ZC3H12B: variants seen among roughly 807,000 people sequenced by gnomAD.
ZC3H12B encodes probable ribonuclease ZC3H12B.
ZC3H12B carries 7 observed loss-of-function variants against 43.9 expected under a neutral mutation model. That is an observed-to-expected ratio of 0.16 (90% CI 0.09 to 0.30). The LOEUF is 0.30. Among genes scored for constraint, ZC3H12B ranks in the 10% least tolerant of loss-of-function variants. ZC3H12B has a pLI of 1.00. For missense variants in ZC3H12B, 475 were observed against 670.2 expected (o/e 0.71, Z 3.22); for synonymous variants, 222 against 241.7 (o/e 0.92, Z 0.76).
chrX:65,493,649 G>T (rs777325167), intron 1 of ZC3H12B, among the ~76,000 whole-genome samples: 1 of 111,404 alleles, frequency 9.0e-6, no homozygotes, highest in Non-Finnish European at 1.9e-5. Flanking sequence ...ATTGCAGAGG[G>T]TGGGGCTAAT....
chrX:65,078,858 C>T, the ZC3H12B span, among the ~76,000 whole-genome samples: 3 of 111,743 alleles, frequency 2.7e-5, no homozygotes, highest in African/African-American at 6.5e-5. Context: ...AAGCATTTAT[C>T]CTTTCTGTTA....
the ZC3H12B span, among the ~76,000 whole-genome samples, chrX:65,261,702 G>T: frequency 0.013 from 1,445 of 110,829 alleles, 53 homozygotes; most frequent in Admixed American, 0.099. Flanking sequence ...CTAAGCAAAA[G>T]ATTTAAGAAA....
chrX:65,122,975 A>G, the ZC3H12B span, among the ~76,000 whole-genome samples: 2 of 111,971 alleles, frequency 1.8e-5, no homozygotes, highest in Non-Finnish European at 3.8e-5. Context: ...AGACAGATCA[A>G]CAAGACAGAA....
At chrX:65,237,376 G>T in the ZC3H12B span, among the ~76,000 whole-genome samples, 1 of 111,021 alleles carries the variant, frequency 9.0e-6, no homozygotes, top group Admixed American at 9.6e-5. Flanking sequence ...TTGCATGTTG[G>T]TATGTAGAAA....
chrX:65,437,024 C>T (rs2067229805), intron 3 of ZC3H12B, among the ~76,000 whole-genome samples: 2 of 110,276 alleles, frequency 1.8e-5, no homozygotes, highest in Non-Finnish European at 3.8e-5. Flanking sequence ...GGGATCTTGG[C>T]TCACTGCAGC....
At chrX:65,172,593 A>G in the ZC3H12B span, among the ~76,000 whole-genome samples, 4 of 111,802 alleles carry the variant, frequency 3.6e-5, no homozygotes, top group Non-Finnish European at 7.5e-5. Flanking sequence ...TCTTGAGTTA[A>G]TTTTTCTATA....
the ZC3H12B span, among the ~76,000 whole-genome samples, chrX:65,069,850 CCT>C: frequency 1.6e-3 from 173 of 111,607 alleles, no homozygotes; most frequent in Admixed American, 3.6e-3. Flanking sequence ...ATTCAGTTTG[CCT>C]GTATTTTGTT....
intron 3 of ZC3H12B, among the ~76,000 whole-genome samples, chrX:65,417,425 C>T (rs1434852018): frequency 4.5e-5 from 5 of 111,769 alleles, no homozygotes; most frequent in Non-Finnish European, 7.5e-5. Context: ...AATTATATAC[C>T]ATGAGTTAGT....
At chrX:65,219,101 G>T in the ZC3H12B span, among the ~76,000 whole-genome samples, 1 of 111,606 alleles carries the variant, frequency 9.0e-6, no homozygotes, top group Non-Finnish European at 1.9e-5. Context: ...CTCTCAAGAA[G>T]CTCCATCTCT....
intron 3 of ZC3H12B, among the ~76,000 whole-genome samples, chrX:65,407,195 G>A (rs1460008087): frequency 2.7e-5 from 3 of 113,170 alleles, no homozygotes; most frequent in African/African-American, 6.4e-5. Flanking sequence ...GGGCTCGGAA[G>A]AAGGGTCCGG....
the ZC3H12B span, among the ~76,000 whole-genome samples, chrX:65,269,186 A>T: frequency 9.1e-6 from 1 of 110,090 alleles, no homozygotes; most frequent in Non-Finnish European, 1.9e-5. Context: ...CTCTACTAAA[A>T]ATACAAAAAT....
chrX:65,328,350 T>C, the ZC3H12B span: 81 of 228,938 alleles, frequency 3.5e-4, no homozygotes, highest in Non-Finnish European at 6.3e-4. Context: ...TCCATGAGAT[T>C]TCTTGTAATT....
chrX:65,457,091 G>T (rs780193540), intron 3 of ZC3H12B, among the ~76,000 whole-genome samples: 1 of 90,715 alleles, frequency 1.1e-5, no homozygotes. Flanking sequence ...CCTCTGCCCC[G>T]CCGCCCTGTC....
chrX:65,472,882 A>G lies in ZC3H12B; in HGVS notation n.408-15764A>G, dbSNP rs745897861. On this transcript the variant is annotated intron_variant and non_coding_transcript_variant, in intron 3 of 5. Coordinates refer to the ZC3H12B transcript ENST00000617377. ...TATGTTTGTGTATATATATGTTTATATATATATGTTTGTGTATATATATGT... is the reference window on the plus strand; with the variant it reads ...TATGTTTGTGTATATATATGTTTATGTATATATGTTTGTGTATATATATGT... Among the ~76,000 whole-genome samples, 67 of 91,098 alleles carry G rather than the reference A, an allele frequency of 7.4e-4. 1 individual carries two copies. Among genetic ancestry groups the G allele is most frequent in the African/African-American group, 2.7e-3 (66 of 24,777 alleles). 79.1% of individuals were successfully genotyped at this position (91,098 alleles called of 115,157 possible).
chrX:65,486,514 CACCT>C (rs1414479505), upstream of ZC3H12B, among the ~76,000 whole-genome samples: 1 of 112,194 alleles, frequency 8.9e-6, no homozygotes, highest in African/African-American at 3.2e-5. Flanking sequence ...AAACACATGA[CACCT>C]TCACACTTAC....
the ZC3H12B span, chrX:65,186,431 G>A: frequency 9.5e-6 from 1 of 105,632 alleles, no homozygotes; most frequent in Admixed American, 1.0e-4. Flanking sequence ...GGCCAGAGTT[G>A]CAGTGAGCCA....
At chrX:65,212,931 T>G in the ZC3H12B span, among the ~76,000 whole-genome samples, 1 of 106,980 alleles carries the variant, frequency 9.3e-6, no homozygotes, top group South Asian at 3.9e-4. Flanking sequence ...GTTCACTTAA[T>G]TATTCTTAGT....
At chrX:65,090,836 T>A in the ZC3H12B span, among the ~76,000 whole-genome samples, 1 of 111,478 alleles carries the variant, frequency 9.0e-6, no homozygotes, top group Non-Finnish European at 1.9e-5. Flanking sequence ...TGGAAGCAGA[T>A]TTTTTATGAA....
chrX:65,316,438 G>A, the ZC3H12B span, among the ~76,000 whole-genome samples: 4 of 112,022 alleles, frequency 3.6e-5, no homozygotes, highest in East Asian at 5.6e-4. Flanking sequence ...TACAGCATTA[G>A]GCTAACAGTG....
Sources: allele counts gnomAD v4.1 joint callset (sites outside exome capture counted in the v4.1 genomes callset), GRCh38; gene constraint gnomAD v4.1.1; transcripts MANE v1.5; gene names NCBI Gene and HGNC (gene_info 2026-07-23, HGNC 2026-07-21).